The following GABRB3 variants were observed in gnomAD, a reference collection of about 807,000 sequenced individuals.
GABRB3 encodes gamma-aminobutyric acid receptor subunit beta-3.
GABRB3 carries 14 observed loss-of-function variants against 52.1 expected under a neutral mutation model. The observed-to-expected ratio is 0.27, with a 90% CI of 0.18 to 0.42. The LOEUF (loss-of-function observed/expected upper bound fraction) is 0.42. Among genes scored for constraint, GABRB3 ranks in the 10% least tolerant of loss-of-function variants. GABRB3 has a pLI of 1.00. For missense variants in GABRB3, 307 were observed against 609.1 expected, an observed-to-expected ratio of 0.50 and a Z score of 5.22; for synonymous variants, 260 against 232.3, an observed-to-expected ratio of 1.12 and a Z score of -1.08.
intron 3 of GABRB3, among the ~76,000 whole-genome samples, chr15:26,697,671 G>A (rs893732581): frequency 4.6e-5 from 7 of 152,066 alleles, no homozygotes; most frequent in Non-Finnish European, 1.0e-4. Context: ...AAAGTCCAAT[G>A]TGTCCCCTGT....
chr15:26,729,087 T>C (rs375139839), intron 3 of GABRB3, among the ~76,000 whole-genome samples: 2 of 152,152 alleles, frequency 1.3e-5, no homozygotes, highest in African/African-American at 4.8e-5. Context: ...TATTTATCAT[T>C]CAGATCTCAC....
At chr15:26,604,023 C>G (rs1467156941) in intron 4 of GABRB3, among the ~76,000 whole-genome samples, 3 of 152,018 alleles carry the variant, frequency 2.0e-5, no homozygotes, top group African/African-American at 7.2e-5. Context: ...ATTGGAAAAC[C>G]TTGAGACTCC....
intron 3 of GABRB3, among the ~76,000 whole-genome samples, chr15:26,696,705 C>A (rs1431260240): frequency 6.6e-6 from 1 of 152,198 alleles, no homozygotes; most frequent in Non-Finnish European, 1.5e-5. Flanking sequence ...GCCACACTGC[C>A]TTTTGCCACG....
chr15:26,767,696 A>C (rs3212334), intron 3 of GABRB3, among the ~76,000 whole-genome samples: 20,625 of 152,156 alleles, frequency 0.14, 2,032 homozygotes, highest in East Asian at 0.32. Flanking sequence ...CACTGTGTTC[A>C]TTCAGCACTC....
intron 3 of GABRB3, among the ~76,000 whole-genome samples, chr15:26,654,584 G>A (rs56279326): frequency 0.1 from 15,819 of 152,060 alleles, 938 homozygotes; most frequent in Admixed American, 0.2. Flanking sequence ...GTGAGACCCC[G>A]TCTCTCCAAG....
At chr15:26,720,050 C>T (rs777147283) in intron 3 of GABRB3, among the ~76,000 whole-genome samples, 1 of 152,178 alleles carries the variant, frequency 6.6e-6, no homozygotes, top group East Asian at 1.9e-4. Context: ...AATGGCCGGT[C>T]GTTGCCTTAA....
chr15:26,683,406 G>A (rs999857061), intron 3 of GABRB3, among the ~76,000 whole-genome samples: 1 of 151,618 alleles, frequency 6.6e-6, no homozygotes, highest in Non-Finnish European at 1.5e-5. Context: ...ATTGCTGGGT[G>A]GGGTGGGGAA....
At chr15:26,613,639 G>A (rs910854945) in intron 4 of GABRB3, 5 of 151,960 alleles carry the variant, frequency 3.3e-5, no homozygotes, top group Non-Finnish European at 7.4e-5. Context: ...ATTTGGGGAT[G>A]GAATAATGAA....
chr15:26,772,794 CA>C, intron 1 of GABRB3, 22 bp from the exon 2 acceptor site: 2 of 1,519,866 alleles, frequency 1.3e-6, no homozygotes, highest in Non-Finnish European at 1.8e-6. Flanking sequence ...ACGGGGAGCA[CA>C]AAGAGCGGGG....
At chr15:26,678,884 T>C (rs1273426234) in intron 3 of GABRB3, among the ~76,000 whole-genome samples, 1 of 152,150 alleles carries the variant, frequency 6.6e-6, no homozygotes, top group Non-Finnish European at 1.5e-5. Flanking sequence ...GCCCAGTGAT[T>C]GTAAAATTTC....
At chr15:26,720,792 A>T (rs1889623276) in intron 3 of GABRB3, among the ~76,000 whole-genome samples, 1 of 152,238 alleles carries the variant, frequency 6.6e-6, no homozygotes, top group South Asian at 2.1e-4. Flanking sequence ...AGGTTGAAGG[A>T]CGAACTGCTG....
chr15:26,624,884 G>A (rs1464669702), intron 3 of GABRB3: 1 of 985,402 alleles, frequency 1.0e-6, no homozygotes, highest in Non-Finnish European at 1.2e-6. Flanking sequence ...CGCTCCTTGT[G>A]ACGTGCAGTG....
At chr15:26,614,198 G>A (rs1892176073) in intron 4 of GABRB3, 1 of 152,122 alleles carries the variant, frequency 6.6e-6, no homozygotes, top group Admixed American at 6.6e-5. Flanking sequence ...AGCTCAGGTG[G>A]GCTCTTTGTA....
intron 3 of GABRB3, among the ~76,000 whole-genome samples, chr15:26,656,400 A>C (rs2030381802): frequency 1.3e-5 from 2 of 152,264 alleles, no homozygotes; most frequent in Admixed American, 1.3e-4. Flanking sequence ...CCTGAGGGGC[A>C]TGATTTGTTT....
chr15:26,575,259 G>A (rs917628487), intron 6 of GABRB3, among the ~76,000 whole-genome samples: 2 of 152,202 alleles, frequency 1.3e-5, no homozygotes, highest in Non-Finnish European at 2.9e-5. Flanking sequence ...AAAAAGTGAT[G>A]TCACAGCAAA....
chr15:26,724,835 C>T (rs1223978184), intron 3 of GABRB3, among the ~76,000 whole-genome samples: 1 of 152,100 alleles, frequency 6.6e-6, no homozygotes, highest in African/African-American at 2.4e-5. Context: ...GTTCCCTTTG[C>T]CCCCCCTCAA....
intron 3 of GABRB3, among the ~76,000 whole-genome samples, chr15:26,751,728 G>A (rs1348596961): frequency 3.9e-5 from 6 of 151,976 alleles, no homozygotes; most frequent in Admixed American, 2.6e-4. Flanking sequence ...ATAAATTTTG[G>A]TCCAAGCATA....
Position 26,651,858 on chromosome 15 carries a change from C to T in GABRB3, c.241-30324G>A, listed in dbSNP as rs139221674. On this transcript the variant is annotated intron_variant, in intron 3 of 8. Coordinates refer to ENST00000311550, the MANE Select transcript of GABRB3 (RefSeq NM_000814.6). ...ATTTCTTTGACATATTTTGAAATGG[C>T]TGCCACAGGGCTAACAGATTGGAAT... Among the ~76,000 whole-genome samples the T allele has an allele frequency of 3.3e-5, 5 of 152,306 alleles. No homozygotes were observed. In the East Asian group the frequency reaches 9.7e-4, roughly 29 times the overall value.
At chr15:26,564,556 T>C (rs140660443) in intron 7 of GABRB3, among the ~76,000 whole-genome samples, 2,572 of 152,326 alleles carry the variant, frequency 0.017, 45 homozygotes, top group Middle Eastern at 0.02. Flanking sequence ...GTCCTAGCTA[T>C]GCAGAGGCAG....
Sources: gnomAD v4.1 joint callset for allele counts (sites outside exome capture counted in the v4.1 genomes callset) on GRCh38, gnomAD v4.1.1 for gene constraint, MANE v1.5 for transcripts, NCBI Gene and HGNC (gene_info 2026-07-23, HGNC 2026-07-21) for gene names.